The following DPP6 variants were observed in gnomAD, a reference collection of about 807,000 sequenced individuals.
DPP6 encodes the protein A-type potassium channel modulatory protein DPP6.
Under a neutral mutation model 122.6 loss-of-function variants are expected in DPP6, and 69 were observed. The ratio of observed to expected loss-of-function variants is 0.56; its 90% CI spans 0.46 to 0.69. The LOEUF is 0.69. Ranked by LOEUF, DPP6 falls within the 30% of genes least tolerant of loss-of-function variation. DPP6 has a pLI of 0.00. For synonymous variants in DPP6, 418 were observed against 433.1 expected (o/e 0.97, Z 0.43); for missense variants, 928 against 1,116.9 (o/e 0.83, Z 2.41).
chr7:154,646,348 T>C (rs1836480047), intron 6 of DPP6, among the ~76,000 whole-genome samples: 1 of 152,130 alleles, frequency 6.6e-6, no homozygotes, highest in South Asian at 2.1e-4. Context: ...CAGTCATTGC[T>C]CCCAAACCCG....
the DPP6 span, among the ~76,000 whole-genome samples, chr7:153,796,859 G>C: frequency 6.6e-6 from 1 of 152,236 alleles, no homozygotes; most frequent in African/African-American, 2.4e-5. Context: ...CTCAACTTGA[G>C]TGTGGACTGG....
At chr7:153,786,589 A>T in the DPP6 span, among the ~76,000 whole-genome samples, 2 of 151,322 alleles carry the variant, frequency 1.3e-5, no homozygotes, top group Admixed American at 6.6e-5. Context: ...ATACAAAAAA[A>T]TTAGCCGGGC....
intron 1 of DPP6, among the ~76,000 whole-genome samples, chr7:153,998,663 C>T (rs1472931531): frequency 2.0e-5 from 3 of 152,192 alleles, no homozygotes; most frequent in Non-Finnish European, 4.4e-5. Flanking sequence ...TATTTTTCTT[C>T]ATGGTATTTA....
chr7:154,071,344 G>C (rs1585311246), intron 1 of DPP6, among the ~76,000 whole-genome samples: 1 of 152,186 alleles, frequency 6.6e-6, no homozygotes, highest in Admixed American at 6.5e-5. Context: ...TAGCTTAGAT[G>C]AAGAGAGATG....
intron 1 of DPP6, among the ~76,000 whole-genome samples, chr7:153,959,067 A>G (rs1346247192): frequency 2.0e-5 from 3 of 152,080 alleles, no homozygotes; most frequent in Non-Finnish European, 4.4e-5. Flanking sequence ...TAATTATGAC[A>G]TATTTCAAAG....
chr7:154,612,913 G>A (rs915561904), intron 5 of DPP6, among the ~76,000 whole-genome samples: 1 of 152,200 alleles, frequency 6.6e-6, no homozygotes, highest in Admixed American at 6.5e-5. Context: ...TAGCTTCACA[G>A]AAGTTTATTT....
At chr7:153,929,874 A>G (rs1383369509) in intron 1 of DPP6, among the ~76,000 whole-genome samples, 1 of 152,214 alleles carries the variant, frequency 6.6e-6, no homozygotes, top group African/African-American at 2.4e-5. Context: ...ATTTTCCATA[A>G]TTCTAAGTCA....
intron 1 of DPP6, among the ~76,000 whole-genome samples, chr7:154,174,617 A>G (rs769306873): frequency 1.3e-5 from 2 of 152,254 alleles, no homozygotes; most frequent in African/African-American, 4.8e-5. Context: ...TGTTTTGTTT[A>G]GAATTTTCTT....
At chr7:154,247,785 GAA>G (rs1802081629) in intron 1 of DPP6, among the ~76,000 whole-genome samples, 1 of 152,104 alleles carries the variant, frequency 6.6e-6, no homozygotes, top group Non-Finnish European at 1.5e-5. Flanking sequence ...ACATGTCCAT[GAA>G]AAGACTTGTA....
chr7:154,720,564 A>G (rs1841746800), intron 7 of DPP6, among the ~76,000 whole-genome samples: 1 of 152,176 alleles, frequency 6.6e-6, no homozygotes, highest in Admixed American at 6.5e-5. Flanking sequence ...CATGTCAGAG[A>G]GCACATGCCC....
At chr7:154,731,922 T>C (rs77361862) in intron 8 of DPP6, among the ~76,000 whole-genome samples, 1 of 152,222 alleles carries the variant, frequency 6.6e-6, no homozygotes, top group Non-Finnish European at 1.5e-5. Context: ...TGTAGGCATA[T>C]GGGCAAAGAG....
intron 4 of DPP6, among the ~76,000 whole-genome samples, chr7:154,561,282 A>T (rs75086706): frequency 0.01 from 1,567 of 152,382 alleles, 26 homozygotes; most frequent in African/African-American, 0.034. Flanking sequence ...CACATCACTC[A>T]TCAATAGAAA....
chr7:153,951,513 C>T (rs1332292736), intron 1 of DPP6, among the ~76,000 whole-genome samples: 1 of 152,132 alleles, frequency 6.6e-6, no homozygotes, highest in Non-Finnish European at 1.5e-5. Flanking sequence ...ATGGAGTGAC[C>T]CAGGTGTCGG....
intron 1 of DPP6, among the ~76,000 whole-genome samples, chr7:154,276,746 A>T (rs1804164273): frequency 6.6e-6 from 1 of 152,212 alleles, no homozygotes; most frequent in Non-Finnish European, 1.5e-5. Context: ...TGGAAATGTA[A>T]GGTTAGGTTC....
rs538198635 is a variant in DPP6, at chr7:154,324,801, A to G, written c.244-121413A>G. On this transcript the variant is annotated intron_variant, in intron 1 of 25. Coordinates refer to ENST00000377770, the MANE Select transcript of DPP6 (RefSeq NM_130797.4). The stretch of plus-strand genomic sequence containing the variant: ...GGTGTTTATGTGGTCCGTCCTCACA[A>G]ACTCTTAGGATGGGATTTATTGTCT... 2.4e-4 allele frequency among the ~76,000 whole-genome samples: 36 copies of G among 151,176 alleles called. 1 individual carries two copies. The South Asian group carries it at 7.0e-3, about 29-fold the overall frequency.
upstream of DPP6, among the ~76,000 whole-genome samples, chr7:154,052,038 C>A (rs1800367945): frequency 6.6e-6 from 1 of 151,180 alleles, no homozygotes. This position sits in a 1 kb window ranked among gnomAD's most constrained non-coding sequence, Gnocchi z 4.8. Context: ...GGGCCGGCTG[C>A]ACCTTCAGTC....
At chr7:153,865,841 C>T in the DPP6 span, among the ~76,000 whole-genome samples, 1 of 143,246 alleles carries the variant, frequency 7.0e-6, no homozygotes, top group African/African-American at 2.6e-5. Context: ...AGTGATATTC[C>T]ACTTCCTGTG....
At chr7:154,230,380 A>G (rs549683473) in intron 1 of DPP6, among the ~76,000 whole-genome samples, 8 of 152,372 alleles carry the variant, frequency 5.3e-5, no homozygotes, top group African/African-American at 1.9e-4. Flanking sequence ...CTGTCATTAG[A>G]GATGAGTTTC....
At chr7:153,834,916 C>T in the DPP6 span, among the ~76,000 whole-genome samples, 1 of 152,178 alleles carries the variant, frequency 6.6e-6, no homozygotes, top group Non-Finnish European at 1.5e-5. Context: ...AGCAAGTACT[C>T]TGTACAATAT....
Sources: gnomAD v4.1 joint callset for allele counts (sites outside exome capture counted in the v4.1 genomes callset) on GRCh38, gnomAD v4.1.1 for gene constraint, Gnocchi (gnomAD v3.1) non-coding constraint, MANE v1.5 for transcripts, NCBI Gene and HGNC (gene_info 2026-07-23, HGNC 2026-07-21) for gene names.